Variants in GRIN2B observed in about 807,000 individuals in gnomAD.
GRIN2B encodes the protein glutamate receptor ionotropic, NMDA 2B.
GRIN2B carries 5 observed loss-of-function variants against 114.5 expected under a neutral mutation model. That is an observed-to-expected ratio of 0.04 (90% CI 0.02 to 0.09). The LOEUF (loss-of-function observed/expected upper bound fraction) is 0.09, where lower values mean the gene tolerates loss of function less well. Among genes scored for constraint, GRIN2B ranks in the 10% least tolerant of loss-of-function variants. GRIN2B has a pLI of 1.00. For missense variants in GRIN2B, 1,108 were observed against 1,943.5 expected, an observed-to-expected ratio of 0.57 and a Z score of 8.08; for synonymous variants, 787 against 745.1, an observed-to-expected ratio of 1.06 and a Z score of -0.92.
chr12:13,917,574 G>A (rs1236695670), intron 2 of GRIN2B, among the ~76,000 whole-genome samples: 1 of 152,224 alleles, frequency 6.6e-6, no homozygotes, highest in Non-Finnish European at 1.5e-5. Flanking sequence ...CAGGGTAAAT[G>A]TGGACTAGCT....
At chr12:13,656,519 C>G (rs575540437) in intron 5 of GRIN2B, among the ~76,000 whole-genome samples, 1 of 152,170 alleles carries the variant, frequency 6.6e-6, no homozygotes, top group South Asian at 2.1e-4. Flanking sequence ...TTTCTCTGAT[C>G]GCTGGTCGCA....
intron 5 of GRIN2B, among the ~76,000 whole-genome samples, chr12:13,651,470 A>T (rs2136516970): frequency 6.6e-6 from 1 of 152,248 alleles, no homozygotes; most frequent in South Asian, 2.1e-4. Flanking sequence ...CTTTGTCAAA[A>T]AATAGCACCA....
chr12:13,729,763 G>C (rs1399640823), intron 4 of GRIN2B, among the ~76,000 whole-genome samples: 1 of 146,108 alleles, frequency 6.8e-6, no homozygotes, highest in African/African-American at 2.5e-5. Context: ...TACAGGAGAA[G>C]AGAGAGACAG....
At chr12:13,913,522 A>G (rs11055685) in intron 2 of GRIN2B, among the ~76,000 whole-genome samples, 37,960 of 152,132 alleles carry the variant, frequency 0.25, 5,255 homozygotes, top group East Asian at 0.44. Flanking sequence ...GAGTCACTTC[A>G]TCCCTCTGGG....
chr12:13,780,826 G>C (rs987587074), intron 3 of GRIN2B, among the ~76,000 whole-genome samples: 15 of 139,574 alleles, frequency 1.1e-4, no homozygotes, highest in Admixed American at 8.4e-4. Context: ...TGTAAGGGCA[G>C]GTTTTGCCAA....
chr12:13,607,232 T>A (rs1268878243), intron 10 of GRIN2B, among the ~76,000 whole-genome samples: 1 of 92,312 alleles, frequency 1.1e-5, no homozygotes, highest in African/African-American at 5.9e-5. Context: ...AAATATATAA[T>A]ATATATTATA....
intron 4 of GRIN2B, among the ~76,000 whole-genome samples, chr12:13,693,918 C>G (rs1950235542): frequency 6.6e-6 from 1 of 152,086 alleles, no homozygotes; most frequent in South Asian, 2.1e-4. Flanking sequence ...CAGTTCTGGT[C>G]ACCAACTACT....
In GRIN2B at chr12:13,813,001, T is replaced by C. The variant is rs182406055; in HGVS notation, c.411+52797A>G. Among the ~76,000 whole-genome samples the C allele has an allele frequency of 4.9e-3, 732 of 148,432 alleles. 3 individuals carry two copies. Among genetic ancestry groups the C allele is most frequent in the South Asian group, 0.012 (57 of 4,630 alleles). On this transcript the variant is annotated intron_variant, in intron 3 of 13. Transcript: ENST00000609686. ...CAGGCTGGAGTGCAGTGGTCCGAGC[T>C]TGATCTCGGCTCACTACAACCTCCG... is the stretch of plus-strand genomic sequence containing the variant.
chr12:13,609,784 A>AG (rs2136472129), intron 9 of GRIN2B, among the ~76,000 whole-genome samples: 1 of 152,104 alleles, frequency 6.6e-6, no homozygotes, highest in East Asian at 1.9e-4. Flanking sequence ...AAAAAAAAAA[A>AG]AAAAGAATAT....
chr12:13,824,360 T>C (rs1864992066), intron 3 of GRIN2B, among the ~76,000 whole-genome samples: 1 of 152,222 alleles, frequency 6.6e-6, no homozygotes, highest in South Asian at 2.1e-4. Flanking sequence ...TAGTTTTCTG[T>C]CTCTCAAGGT....
At position 13,561,167 on chromosome 12, in the gene GRIN2B, C is replaced by G. The variant is rs1211786983; in HGVS notation, c.*1616G>C. 1 of 152,062 alleles carries G rather than the reference C, an allele frequency of 6.6e-6. No individual in the cohort carries two copies. The highest frequency in any genetic ancestry group is 2.4e-5 in the African/African-American group (1 of 41,386). 9.4% of individuals were successfully genotyped at this position (152,062 alleles called of 1,614,324 possible). ...GAAGGGAGCATCAGTTCTGCTGGTA[C>G]CCTCATCCCTGGAGTTTTATACATG... On this transcript the variant is annotated 3_prime_UTR_variant, in exon 14 of 14. Coordinates refer to ENST00000609686, the MANE Select transcript of GRIN2B (RefSeq NM_000834.5).
At chr12:13,937,618 G>T (rs1243061664) in intron 2 of GRIN2B, among the ~76,000 whole-genome samples, 2 of 151,866 alleles carry the variant, frequency 1.3e-5, no homozygotes, top group African/African-American at 4.8e-5. Flanking sequence ...CGGGCTGAAG[G>T]GAAACAACAC....
chr12:13,788,957 G>A (rs2136662506), intron 3 of GRIN2B, among the ~76,000 whole-genome samples: 1 of 152,292 alleles, frequency 6.6e-6, no homozygotes, highest in Non-Finnish European at 1.5e-5. Context: ...TCCGGCAAAT[G>A]TCGAACTCAC....
intron 3 of GRIN2B, among the ~76,000 whole-genome samples, chr12:13,809,559 G>T (rs1361708120): frequency 6.6e-6 from 1 of 152,142 alleles, no homozygotes; most frequent in Non-Finnish European, 1.5e-5. Flanking sequence ...ATCTAAGACA[G>T]AGAACCACTT....
chr12:13,710,409 T>C (rs1411045863), intron 4 of GRIN2B, among the ~76,000 whole-genome samples: 1 of 152,006 alleles, frequency 6.6e-6, no homozygotes, highest in African/African-American at 2.4e-5. Context: ...AAATAAAGGG[T>C]ATTCAATTAG....
chr12:13,926,121 A>T (rs185812560), intron 2 of GRIN2B, among the ~76,000 whole-genome samples: 3 of 152,254 alleles, frequency 2.0e-5, no homozygotes, highest in Admixed American at 2.0e-4. Context: ...GGGCACACTT[A>T]GACCAAGGAG....
At chr12:13,949,754 C>A (rs996429121) in intron 2 of GRIN2B, among the ~76,000 whole-genome samples, 3 of 152,076 alleles carry the variant, frequency 2.0e-5, no homozygotes, top group Non-Finnish European at 4.4e-5. Flanking sequence ...TATTGATGGG[C>A]CATGAGACAG....
intron 3 of GRIN2B, among the ~76,000 whole-genome samples, chr12:13,783,713 GA>G (rs965101396): frequency 1.3e-5 from 2 of 152,110 alleles, no homozygotes; most frequent in African/African-American, 4.8e-5. Flanking sequence ...GAAGGAAAAG[GA>G]ATGTCAAATG....
chr12:13,566,595 G>A (rs1948644174), intron 13 of GRIN2B, among the ~76,000 whole-genome samples: 1 of 152,204 alleles, frequency 6.6e-6, no homozygotes. Context: ...AACATAGAGT[G>A]AAACAACTAA....
Sources: gnomAD v4.1 joint callset for allele counts (sites outside exome capture counted in the v4.1 genomes callset) on GRCh38, gnomAD v4.1.1 for gene constraint, MANE v1.5 for transcripts, NCBI Gene and HGNC (gene_info 2026-07-23, HGNC 2026-07-21) for gene names.